INSC: variants seen among roughly 807,000 people sequenced by gnomAD.
The protein encoded by INSC is INSC spindle orientation adaptor protein.
A neutral mutation model predicts 58.6 loss-of-function variants in INSC; 67 were observed. The ratio of observed to expected loss-of-function variants is 1.14; its 90% CI spans 0.94 to 1.40. The LOEUF (loss-of-function observed/expected upper bound fraction) is 1.40, where lower values mean the gene tolerates loss of function less well. Ranked by LOEUF, INSC falls within the 40% of genes most tolerant of loss-of-function variation. INSC has a pLI of 0.00. For synonymous variants in INSC, 262 were observed against 276.1 expected (o/e 0.95, Z 0.51); for missense variants, 714 against 692.0 (o/e 1.03, Z -0.36).
In INSC at chr11:15,235,960, G is replaced by C. The variant is rs561828554; in HGVS notation, c.1237+292G>C. Among the ~76,000 whole-genome samples, 272 of 151,636 alleles carry C rather than the reference G, an allele frequency of 1.8e-3. 2 individuals are homozygous for C. Among genetic ancestry groups the C allele is most frequent in the African/African-American group, 6.4e-3 (263 of 41,218 alleles). ...AATCTCAGCTACTCAGGAGGCTGAG[G>C]CAGGAGAATCACTTGAACCTGGGAG... On this transcript the variant is annotated intron_variant, in intron 10 of 12. Transcript: ENST00000379556.
intron 7 of INSC, among the ~76,000 whole-genome samples, chr11:15,218,448 T>C (rs10832375): frequency 0.26 from 39,212 of 151,768 alleles, 6,005 homozygotes; most frequent in East Asian, 0.73. Context: ...AAAGGTGTGC[T>C]GGGGATTTTC....
At chr11:15,140,521 G>C (rs960814616) in intron 1 of INSC, among the ~76,000 whole-genome samples, 4 of 151,904 alleles carry the variant, frequency 2.6e-5, no homozygotes, top group Non-Finnish European at 5.9e-5. Flanking sequence ...CCCAGGTGTA[G>C]CTTGGCTTGC....
intron 6 of INSC, among the ~76,000 whole-genome samples, chr11:15,199,542 AT>A (rs1163115219): frequency 6.6e-6 from 1 of 152,196 alleles, no homozygotes; most frequent in African/African-American, 2.4e-5. Flanking sequence ...TCACTGCTGC[AT>A]TCTCAGCACA....
intron 6 of INSC, among the ~76,000 whole-genome samples, chr11:15,197,692 C>T (rs1344256911): frequency 6.6e-6 from 1 of 152,174 alleles, no homozygotes; most frequent in Non-Finnish European, 1.5e-5. Context: ...TAAGCCCAGA[C>T]CTCTCTATGA....
At chr11:15,266,011 G>C in the INSC span, among the ~76,000 whole-genome samples, 1 of 151,720 alleles carries the variant, frequency 6.6e-6, no homozygotes, top group South Asian at 2.1e-4. Flanking sequence ...TAGTGACAAA[G>C]TCCATTGAGC....
intron 9 of INSC, among the ~76,000 whole-genome samples, chr11:15,229,979 T>A (rs1425904943): frequency 2.1e-4 from 7 of 32,980 alleles, no homozygotes; most frequent in African/African-American, 8.4e-4. Context: ...TATATATATA[T>A]TATATATATA....
At chr11:15,208,383 C>G (rs1850890168) in intron 7 of INSC, among the ~76,000 whole-genome samples, 1 of 152,172 alleles carries the variant, frequency 6.6e-6, no homozygotes, top group Admixed American at 6.5e-5. Flanking sequence ...CAGAAAGGAA[C>G]TGAGGCTGGC....
intron 8 of INSC, among the ~76,000 whole-genome samples, chr11:15,224,843 C>T (rs933325895): frequency 2.0e-4 from 30 of 152,174 alleles, no homozygotes; most frequent in African/African-American, 6.8e-4. Flanking sequence ...TAGGGCTAAG[C>T]TAGGACCACT....
intron 7 of INSC, among the ~76,000 whole-genome samples, chr11:15,216,200 G>T (rs1282863670): frequency 6.6e-6 from 1 of 152,124 alleles, no homozygotes; most frequent in Non-Finnish European, 1.5e-5. Context: ...GTAAAAAGTG[G>T]TGAGCTAGGG....
intron 5 of INSC, among the ~76,000 whole-genome samples, chr11:15,179,352 C>T (rs1269030137): frequency 1.3e-5 from 2 of 152,198 alleles, no homozygotes; most frequent in African/African-American, 2.4e-5. Flanking sequence ...TTTATAGTTA[C>T]AGAAATATTG....
chr11:15,180,039 G>A (rs1849707724), intron 5 of INSC, among the ~76,000 whole-genome samples: 1 of 152,180 alleles, frequency 6.6e-6, no homozygotes, highest in African/African-American at 2.4e-5. Context: ...GGCAGATCAC[G>A]AGGTCAGGAG....
chr11:15,128,114 A>C lies in INSC; in HGVS notation c.-46+13111A>C, dbSNP rs181632857. Among the ~76,000 whole-genome samples the C allele has an allele frequency of 1.6e-4, 25 of 152,226 alleles. No individual in the cohort carries two copies. The East Asian group carries it at 3.9e-3, about 24-fold the overall frequency. On this transcript the variant is annotated intron_variant, in intron 1 of 12. Transcript: ENST00000379556. ...GCCTCAATTTCCTTTTGTGCAAAGT[A>C]CAGAGTTGAAAAAAAAAACATTTCT...
intron 1 of INSC, among the ~76,000 whole-genome samples, chr11:15,118,259 T>G (rs1341129011): frequency 6.6e-6 from 1 of 152,184 alleles, no homozygotes; most frequent in African/African-American, 2.4e-5. Context: ...ATTTGTCACC[T>G]CTTATCTGCA....
At chr11:15,173,997 C>A (rs963383281) in intron 2 of INSC, among the ~76,000 whole-genome samples, 2 of 152,158 alleles carry the variant, frequency 1.3e-5, no homozygotes, top group African/African-American at 4.8e-5. Context: ...CCTTTATTTG[C>A]TATACTGACT....
intron 7 of INSC, among the ~76,000 whole-genome samples, chr11:15,215,698 G>T (rs763326254): frequency 2.6e-5 from 4 of 152,206 alleles, no homozygotes; most frequent in East Asian, 1.9e-4. Context: ...TATAAGAACT[G>T]CCCTGAGTGG....
At chr11:15,145,349 G>A (rs555505487) in intron 1 of INSC, among the ~76,000 whole-genome samples, 70 of 152,310 alleles carry the variant, frequency 4.6e-4, no homozygotes, top group African/African-American at 1.6e-3. Context: ...CAAAGTTCAT[G>A]TTCTTTTTGC....
At chr11:15,229,979 T>TATATA (rs1564917273) in intron 9 of INSC, among the ~76,000 whole-genome samples, 2 of 32,972 alleles carry the variant, frequency 6.1e-5, no homozygotes, top group Non-Finnish European at 1.0e-4. Context: ...TATATATATA[T>TATATA]TATATATATA....
intron 5 of INSC, among the ~76,000 whole-genome samples, chr11:15,181,293 ATAT>A (rs1220364434): frequency 6.6e-6 from 1 of 152,262 alleles, no homozygotes; most frequent in Non-Finnish European, 1.5e-5. Flanking sequence ...AGATTTAAAA[ATAT>A]TATTAAAGCA....
At chr11:15,159,149 A>G (rs1229259754) in intron 2 of INSC, among the ~76,000 whole-genome samples, 2 of 152,186 alleles carry the variant, frequency 1.3e-5, no homozygotes, top group Admixed American at 6.5e-5. Flanking sequence ...GGGTCTGCCT[A>G]CAACTGAAAA....
Sources: gnomAD v4.1 joint callset for allele counts (sites outside exome capture counted in the v4.1 genomes callset) on GRCh38, gnomAD v4.1.1 for gene constraint, MANE v1.5 for transcripts, NCBI Gene and HGNC (gene_info 2026-07-23, HGNC 2026-07-21) for gene names.